The following ANGPTL1 variants were observed in gnomAD, a reference collection of about 807,000 sequenced individuals.
ANGPTL1 encodes angiopoietin-related protein 1.
A neutral mutation model predicts 46.7 loss-of-function variants in ANGPTL1; 36 were observed. The observed-to-expected ratio is 0.77, with a 90% CI of 0.59 to 1.02. The LOEUF (loss-of-function observed/expected upper bound fraction) is 1.02. Ranked by LOEUF, ANGPTL1 falls within the 50% of genes least tolerant of loss-of-function variation. The pLI, the probability that ANGPTL1 is intolerant of heterozygous loss-of-function variation, is 0.00. For missense variants in ANGPTL1, 571 were observed against 594.7 expected (o/e 0.96, Z 0.41); for synonymous variants, 221 against 204.3 (o/e 1.08, Z -0.69).
At position 178,864,959 on chromosome 1, in the gene ANGPTL1, T is replaced by C. The variant is rs1658286302; in HGVS notation, c.818A>G (p.Asn273Ser). Residue 273 changes from asparagine to serine, a missense_variant, in exon 3 of 6, where the codon AAT becomes AGT. Physicochemically the swap from Asn to Ser is conservative, Grantham distance 46. Transcript: ENST00000234816. ...TACAGTAAGAGGTAACTCACCTTCATTGATGAAAGTTACCGGTGGTATCTT... is the reference window on the plus strand; with the variant it reads ...TACAGTAAGAGGTAACTCACCTTCACTGATGAAAGTTACCGGTGGTATCTT... ...PFKIPPVTFI[N>S]EGPFKDCQQA... The C allele has an allele frequency of 6.9e-7, 1 of 1,449,758 alleles. No individual in the cohort carries two copies. Among genetic ancestry groups the C allele is most frequent in the South Asian group, 1.8e-5 (1 of 56,696 alleles). The allele number at this position is 1,449,758 out of a possible 1,614,324, so 89.8% of individuals were successfully genotyped here. A position where few individuals can be genotyped will look rare whatever the true frequency, so the allele number is the denominator to read the frequency against.
At position 178,865,611 on chromosome 1, in the gene ANGPTL1, G is replaced by T; in HGVS notation, c.166C>A (p.Pro56Thr). The T allele has an allele frequency of 6.2e-7, 1 of 1,613,936 alleles. No homozygotes were observed. Among genetic ancestry groups the T allele is most frequent in the Non-Finnish European group, 8.5e-7 (1 of 1,179,926 alleles). ...AKKCAYTFLV[P>T]EQRITGPICV... is the part of the protein sequence containing the mutation. The stretch of plus-strand genomic sequence containing the variant: ...ATTGGCCCTGTTATTCTTTGTTCAG[G>T]TACCAGGAATGTGTATGCACATTTC... The change falls in exon 3 of 6, where the codon CCT (proline) becomes ACT (threonine). Residue 56 changes from proline to threonine, a missense_variant. Transcript: ENST00000234816.
At chr1:178,859,241 T>G (rs1657792377) in intron 3 of ANGPTL1, among the ~76,000 whole-genome samples, 1 of 152,124 alleles carries the variant, frequency 6.6e-6, no homozygotes, top group South Asian at 2.1e-4. Flanking sequence ...TGTTTTGTAT[T>G]AAATGTTAGT....
In ANGPTL1 at chr1:178,865,366, T is replaced by C; in HGVS notation, c.411A>G (p.Leu137=). The C allele has an allele frequency of 6.2e-7, 1 of 1,614,140 alleles. No homozygotes were observed. The change falls in exon 3 of 6, where the codon TTA becomes TTG. Residue 137 remains leucine, a synonymous_variant. Transcript: ENST00000234816. ...NSRVTQLYMQ[L]LHEIIRKRDN... ...CCCTCTTACGGATAATCTCATGTAA[T>C]AATTGCATATAGAGTTGAGTAACAC... is the stretch of plus-strand genomic sequence containing the variant.
chr1:178,851,064 A>G lies in ANGPTL1; in HGVS notation c.*65T>C, dbSNP rs543921978. ...TTGTGCCAAGTAATATACATGTAAC[A>G]TTTACATTTTTAAGAGCTGAAAAGT... On this transcript the variant is annotated 3_prime_UTR_variant, in exon 6 of 6. Transcript: ENST00000234816. The G allele has an allele frequency of 1.6e-5, 24 of 1,457,936 alleles. No individual in the cohort carries two copies. In the South Asian group the frequency reaches 2.3e-4, roughly 14 times the overall value. The allele number at this position is 1,457,936 out of a possible 1,614,324, so 90.3% of individuals were successfully genotyped here.
intron 3 of ANGPTL1, among the ~76,000 whole-genome samples, chr1:178,862,592 T>TA (rs1191720272): frequency 0.022 from 2,625 of 118,876 alleles, 60 homozygotes; most frequent in African/African-American, 0.075. Flanking sequence ...AGTTGCATTT[T>TA]TTTTATTTAT....
In ANGPTL1 at chr1:178,869,128, C is replaced by A. The variant is rs928402959; in HGVS notation, c.-41G>T. On this transcript the variant is annotated 5_prime_UTR_variant, in exon 2 of 6. Coordinates refer to ENST00000234816, the MANE Select transcript of ANGPTL1 (RefSeq NM_004673.4). ...AGAATACTTACGTTTAAATTTAAGT[C>A]TTTACTTAGTTGTTTTTAGAAGAGA... The A allele has an allele frequency of 6.6e-6, 1 of 151,892 alleles. No homozygotes were observed. Among genetic ancestry groups the A allele is most frequent in the Non-Finnish European group, 1.5e-5 (1 of 67,892 alleles). The allele number at this position is 151,892 out of a possible 1,614,324, so 9.4% of individuals were successfully genotyped here.
At chr1:178,863,338 A>G (rs750159379) in intron 3 of ANGPTL1, among the ~76,000 whole-genome samples, 4 of 152,244 alleles carry the variant, frequency 2.6e-5, no homozygotes, top group Admixed American at 6.5e-5. Flanking sequence ...AAATGGTGAA[A>G]AGACAGTTAA....
intron 3 of ANGPTL1, among the ~76,000 whole-genome samples, chr1:178,861,230 T>C (rs1657989043): frequency 6.6e-6 from 1 of 152,058 alleles, no homozygotes; most frequent in Admixed American, 6.6e-5. Flanking sequence ...TCCCTTTGAA[T>C]TTAAGAGATC....
At chr1:178,864,617 A>G (rs1009395332) in intron 3 of ANGPTL1, among the ~76,000 whole-genome samples, 7 of 152,176 alleles carry the variant, frequency 4.6e-5, no homozygotes, top group Admixed American at 3.3e-4. Flanking sequence ...CGACCTAGCT[A>G]GAAGCTGATA....
At chr1:178,853,541 T>G (rs760197056) in intron 4 of ANGPTL1, 53 bp downstream of exon 4, 128 of 1,356,164 alleles carry the variant, frequency 9.4e-5, no homozygotes, top group Middle Eastern at 3.8e-4. Context: ...TTTCTTGCAT[T>G]ATTGCAAGAA....
At chr1:178,865,848 A>G (rs1427081002) in intron 2 of ANGPTL1, 46 bp from the exon 3 acceptor site, 2 of 1,164,348 alleles carry the variant, frequency 1.7e-6, no homozygotes, top group Non-Finnish European at 2.4e-6. Context: ...AAAAGAATTC[A>G]TATTAATCTA....
chr1:178,853,098 G>A (rs949373380), intron 4 of ANGPTL1, 145 bp from the exon 5 acceptor site: 30 of 1,415,694 alleles, frequency 2.1e-5, no homozygotes, highest in Admixed American at 2.0e-4. Context: ...GGTCACTTGC[G>A]TTTTATAAGC....
intron 2 of ANGPTL1, among the ~76,000 whole-genome samples, 194 bp downstream of exon 2, chr1:178,868,920 G>A (rs1265360317): frequency 6.6e-6 from 1 of 151,962 alleles, no homozygotes; most frequent in African/African-American, 2.4e-5. Context: ...TACGTCAGGA[G>A]TAAAGAACTG....
chr1:178,865,968 G>T (rs1282903890), intron 2 of ANGPTL1, among the ~76,000 whole-genome samples, 166 bp from the exon 3 acceptor site: 1 of 152,114 alleles, frequency 6.6e-6, no homozygotes, highest in Non-Finnish European at 1.5e-5. Flanking sequence ...TTAATATTAA[G>T]TTGTAATACT....
intron 3 of ANGPTL1, among the ~76,000 whole-genome samples, chr1:178,855,518 A>G (rs1316822893): frequency 2.0e-5 from 3 of 152,012 alleles, no homozygotes; most frequent in African/African-American, 7.2e-5. Context: ...CATAAGTAGT[A>G]CAGACTAGTA....
chr1:178,853,774 G>A lies in ANGPTL1; in HGVS notation c.837C>T (p.Asp279=), dbSNP rs1657345788. ...VTFINEGPFK[D]CQQAKEAGHS... is the part of the protein sequence containing the mutation. ...GCCCAGCTTCTTTTGCTTGCTGACA[G>A]TCTTTGAATGGTCCTATAATTTAAA... The change falls in exon 4 of 6, where the codon GAC becomes GAT. Residue 279 remains aspartate, a synonymous_variant. Coordinates refer to ENST00000234816, the MANE Select transcript of ANGPTL1 (RefSeq NM_004673.4). The A allele has an allele frequency of 6.3e-7, 1 of 1,599,798 alleles. No individual in the cohort carries two copies. Among genetic ancestry groups the A allele is most frequent in the African/African-American group, 1.4e-5 (1 of 73,854 alleles).
intron 3 of ANGPTL1, among the ~76,000 whole-genome samples, chr1:178,860,426 A>G (rs937180238): frequency 6.6e-6 from 1 of 152,202 alleles, no homozygotes; most frequent in Non-Finnish European, 1.5e-5. Context: ...AAAGATTGTC[A>G]TAACATCTTT....
chr1:178,858,732 T>C lies in ANGPTL1; in HGVS notation c.824-4945A>G, dbSNP rs1307003821. On this transcript the variant is annotated intron_variant, in intron 3 of 5. Coordinates refer to ENST00000234816, the MANE Select transcript of ANGPTL1 (RefSeq NM_004673.4). ...TCATGCCACATTATTTCCCAAGGTG[T>C]ATTTATTAAGAACCCATATTTTGAA... Among the ~76,000 whole-genome samples the C allele has an allele frequency of 2.6e-5, 4 of 152,128 alleles. No individual in the cohort carries two copies. In the East Asian group the frequency reaches 5.8e-4, roughly 22 times the overall value.
chr1:178,852,459 G>A (rs1657236666), intron 5 of ANGPTL1, among the ~76,000 whole-genome samples: 1 of 152,050 alleles, frequency 6.6e-6, no homozygotes, highest in Admixed American at 6.6e-5. Flanking sequence ...GTTTTGCTTT[G>A]TGTTTTTTTC....
Sources: allele counts gnomAD v4.1 joint callset (sites outside exome capture counted in the v4.1 genomes callset), GRCh38; gene constraint gnomAD v4.1.1; transcripts MANE v1.5; gene names NCBI Gene and HGNC (gene_info 2026-07-23, HGNC 2026-07-21).